SLC25A21: variants seen among roughly 807,000 people sequenced by gnomAD.
The protein encoded by SLC25A21 is mitochondrial 2-oxodicarboxylate carrier.
In SLC25A21, 47 loss-of-function variants were observed where a neutral mutation model predicts 43.8. The observed-to-expected ratio is 1.07, with a 90% CI of 0.85 to 1.37. SLC25A21 has a LOEUF of 1.37. Among genes scored for constraint, SLC25A21 ranks in the 40% most tolerant of loss-of-function variants. The pLI is 0.00. For missense variants in SLC25A21, 352 were observed against 350.2 expected (o/e 1.00, Z -0.04); for synonymous variants, 131 against 121.3 (o/e 1.08, Z -0.52).
At chr14:37,039,216 C>T (rs763837013) in intron 1 of SLC25A21, among the ~76,000 whole-genome samples, 18 of 152,138 alleles carry the variant, frequency 1.2e-4, no homozygotes, top group Non-Finnish European at 2.1e-4. Flanking sequence ...TACTGAAAGG[C>T]ATTCATTGAT....
intron 3 of SLC25A21, 124 bp downstream of exon 3, chr14:36,813,791 TAAC>T (rs1469553146): frequency 1.5e-6 from 1 of 662,514 alleles, no homozygotes; most frequent in Non-Finnish European, 2.6e-6. Flanking sequence ...AGGAAAAACA[TAAC>T]AAAGTAGAAA....
chr14:36,940,784 C>T (rs1419683230), intron 1 of SLC25A21, among the ~76,000 whole-genome samples: 3 of 152,020 alleles, frequency 2.0e-5, no homozygotes, highest in Admixed American at 6.6e-5. Flanking sequence ...GACCATATTA[C>T]GATTGTCTGA....
At chr14:36,963,660 G>A (rs753157340) in intron 1 of SLC25A21, among the ~76,000 whole-genome samples, 17 of 152,262 alleles carry the variant, frequency 1.1e-4, no homozygotes, top group Admixed American at 2.6e-4. Context: ...ATGAGCTGCC[G>A]AAGATTCATG....
chr14:36,962,920 G>C (rs1177289948), intron 1 of SLC25A21, among the ~76,000 whole-genome samples: 1 of 152,122 alleles, frequency 6.6e-6, no homozygotes, highest in East Asian at 1.9e-4. Flanking sequence ...ATTTGAGGTA[G>C]AGATAGTAGG....
intron 2 of SLC25A21, among the ~76,000 whole-genome samples, chr14:36,854,811 A>C (rs2138520918): frequency 6.6e-6 from 1 of 152,256 alleles, no homozygotes; most frequent in Middle Eastern, 3.4e-3. Flanking sequence ...GATATTATCA[A>C]CAAAAGGAAA....
intron 1 of SLC25A21, among the ~76,000 whole-genome samples, chr14:37,123,958 T>C (rs750673760): frequency 6.6e-6 from 1 of 152,214 alleles, no homozygotes; most frequent in Non-Finnish European, 1.5e-5. Context: ...ACTTCTTTGC[T>C]ACGCTTTTCT....
chr14:36,741,214 T>C (rs2139240510), intron 3 of SLC25A21, among the ~76,000 whole-genome samples: 1 of 152,286 alleles, frequency 6.6e-6, no homozygotes, highest in Non-Finnish European at 1.5e-5. Flanking sequence ...GAACTCCTCT[T>C]TCAAGCAGGC....
chr14:36,928,434 GA>G lies in SLC25A21; in HGVS notation c.71-53431del, dbSNP rs1892190574. 1.2e-4 allele frequency among the ~76,000 whole-genome samples: 13 copies of G among 107,034 alleles called. No homozygotes were observed. The South Asian group carries it at 3.4e-3, about 28-fold the overall frequency. 70.2% of individuals were successfully genotyped at this position (107,034 alleles called of 152,430 possible). ...GCAGGACTAAGCTTCTAAGTAGAGT[GA>G]TTTTTTTTTTGTTTTGTTTTAAATA... On this transcript the variant is annotated intron_variant, in intron 1 of 9. Transcript: ENST00000331299.
chr14:37,060,120 G>A (rs1468257019), intron 1 of SLC25A21, among the ~76,000 whole-genome samples: 3 of 151,736 alleles, frequency 2.0e-5, no homozygotes, highest in African/African-American at 7.3e-5. Flanking sequence ...GACGGTATTA[G>A]GAGGTAGGGC....
At chr14:36,776,264 T>G (rs1886827870) in intron 3 of SLC25A21, among the ~76,000 whole-genome samples, 1 of 116,036 alleles carries the variant, frequency 8.6e-6, no homozygotes, top group Non-Finnish European at 1.7e-5. Context: ...TGAGATGGAG[T>G]CTCGCTTTGT....
chr14:36,908,464 T>C (rs1891592912), intron 1 of SLC25A21, among the ~76,000 whole-genome samples: 2 of 152,130 alleles, frequency 1.3e-5, no homozygotes, highest in South Asian at 4.1e-4. Flanking sequence ...GATAAAACAC[T>C]AAATGAGATG....
intron 7 of SLC25A21, among the ~76,000 whole-genome samples, chr14:36,710,830 A>C (rs1387665874): frequency 6.6e-6 from 1 of 152,220 alleles, no homozygotes; most frequent in Non-Finnish European, 1.5e-5. Context: ...AGAATTGATT[A>C]ACTACCCTAA....
rs375903519 is a variant in SLC25A21, at chr14:36,800,879, T to G, written c.203+13039A>C. On this transcript the variant is annotated intron_variant, in intron 3 of 9. Transcript: ENST00000331299. ...TTTTATTCTAAGGCCCTGTAACTTT[T>G]TATTGAGTAGAGGACACTGTGCATA... 3.9e-5 allele frequency among the ~76,000 whole-genome samples: 6 copies of G among 152,194 alleles called. No individual in the cohort carries two copies. In the East Asian group the frequency reaches 7.7e-4, roughly 20 times the overall value.
At chr14:36,868,630 C>G (rs541508722) in intron 2 of SLC25A21, among the ~76,000 whole-genome samples, 1 of 151,598 alleles carries the variant, frequency 6.6e-6, no homozygotes, top group African/African-American at 2.4e-5. Context: ...AGCCTCTTGG[C>G]AATTCAACAT....
intron 3 of SLC25A21, among the ~76,000 whole-genome samples, chr14:36,743,356 A>C (rs1364531648): frequency 6.6e-6 from 1 of 152,114 alleles, no homozygotes; most frequent in Admixed American, 6.6e-5. Context: ...AAAGATGAAC[A>C]CTTTCCACTA....
intron 1 of SLC25A21, among the ~76,000 whole-genome samples, chr14:37,129,518 G>A (rs1053436425): frequency 2.6e-5 from 4 of 152,128 alleles, no homozygotes; most frequent in South Asian, 2.1e-4. Context: ...CATACCAACC[G>A]TAATCCTACA....
In SLC25A21 at chr14:37,098,786, C is replaced by CAGAT. The variant is rs1407209801; in HGVS notation, c.70+73491_70+73494dup. 7.4e-4 allele frequency among the ~76,000 whole-genome samples: 103 copies of CAGAT among 139,154 alleles called. 3 individuals carry two copies. The highest frequency in any genetic ancestry group is 3.7e-3 in the Middle Eastern group (1 of 272). The allele number at this position is 139,154 out of a possible 152,430, so 91.3% of individuals were successfully genotyped here. On this transcript the variant is annotated intron_variant, in intron 1 of 9. Coordinates refer to ENST00000331299, the MANE Select transcript of SLC25A21 (RefSeq NM_030631.4). ...ACAGACAGACAGACAGACAGACAGA[C>CAGAT]AGATAGATAGATAGATAGATTTTTT...
chr14:36,929,095 G>C (rs1892214612), intron 1 of SLC25A21, among the ~76,000 whole-genome samples: 1 of 151,998 alleles, frequency 6.6e-6, no homozygotes, highest in Non-Finnish European at 1.5e-5. Flanking sequence ...GAAGTTCAAA[G>C]AACTAGTAAT....
intron 1 of SLC25A21, among the ~76,000 whole-genome samples, chr14:37,048,384 T>G (rs184391997): frequency 6.6e-6 from 1 of 152,056 alleles, no homozygotes; most frequent in African/African-American, 2.4e-5. Flanking sequence ...AACCGGGTTA[T>G]GTATCTCAAT....
Sources: allele counts gnomAD v4.1 joint callset (sites outside exome capture counted in the v4.1 genomes callset), GRCh38; gene constraint gnomAD v4.1.1; transcripts MANE v1.5; gene names NCBI Gene and HGNC (gene_info 2026-07-23, HGNC 2026-07-21).